The following FOXK2 variants were observed in gnomAD, a reference collection of about 807,000 sequenced individuals.
The protein encoded by FOXK2 is forkhead box protein K2.
Under a neutral mutation model 53.3 loss-of-function variants are expected in FOXK2, and 24 were observed. That is an observed-to-expected ratio of 0.45 (90% CI 0.33 to 0.63). The LOEUF (loss-of-function observed/expected upper bound fraction) is 0.63, where lower values mean the gene tolerates loss of function less well. FOXK2 is among the 30% of genes least tolerant of loss of function. FOXK2 has a pLI of 0.03. For synonymous variants in FOXK2, 505 were observed against 407.1 expected, an observed-to-expected ratio of 1.24 and a Z score of -2.89; for missense variants, 952 against 910.5, an observed-to-expected ratio of 1.05 and a Z score of -0.59.
intron 1 of FOXK2, among the ~76,000 whole-genome samples, chr17:82,547,334 G>T (rs186523550): frequency 6.6e-6 from 1 of 152,146 alleles, no homozygotes; most frequent in Admixed American, 6.5e-5. Context: ...ATTGGAAAAA[G>T]TATTGTCTAC....
chr17:82,546,319 G>C (rs1223932462), intron 1 of FOXK2, among the ~76,000 whole-genome samples: 2 of 151,982 alleles, frequency 1.3e-5, no homozygotes, highest in East Asian at 3.9e-4. Flanking sequence ...ATTTCGCCGT[G>C]TTGGCCAGGC....
chr17:82,593,309 A>AGGCTG (rs2143158821), intron 8 of FOXK2: 1 of 139,704 alleles, frequency 7.2e-6, no homozygotes, highest in Admixed American at 7.3e-5. Flanking sequence ...TACCGGGCAC[A>AGGCTG]GGCTCTTATT....
At chr17:82,523,554 C>T (rs780642396) in intron 1 of FOXK2, among the ~76,000 whole-genome samples, 1 of 151,028 alleles carries the variant, frequency 6.6e-6, no homozygotes, top group African/African-American at 2.4e-5. Context: ...CTCATTGCAA[C>T]CTCCGCTTCC....
At chr17:82,550,961 G>A (rs548787114) in intron 1 of FOXK2, among the ~76,000 whole-genome samples, 87 of 152,328 alleles carry the variant, frequency 5.7e-4, no homozygotes, top group South Asian at 1.2e-3. Context: ...TTGCAAGCCA[G>A]TACTGAGCCG....
At chr17:82,601,233 G>C in intron 8 of FOXK2, 70 bp from the exon 9 acceptor site, 5 of 1,506,550 alleles carry the variant, frequency 3.3e-6, no homozygotes, top group Non-Finnish European at 4.5e-6. Flanking sequence ...GTTCACGTGA[G>C]AGCGTGGGGT....
chr17:82,552,630 C>T (rs2044687687), intron 1 of FOXK2, among the ~76,000 whole-genome samples: 1 of 152,162 alleles, frequency 6.6e-6, no homozygotes, highest in Non-Finnish European at 1.5e-5. Context: ...TTGGATGTTT[C>T]CTCTTGATTA....
intron 5 of FOXK2, 94 bp downstream of exon 5, chr17:82,583,028 A>C (rs1207217516): frequency 8.0e-6 from 7 of 872,616 alleles, no homozygotes; most frequent in African/African-American, 1.7e-5. Flanking sequence ...TGAAGGAACT[A>C]CTAAATGCAT....
intron 1 of FOXK2, among the ~76,000 whole-genome samples, chr17:82,525,895 T>A (rs1190894144): frequency 3.3e-5 from 5 of 151,832 alleles, no homozygotes; most frequent in African/African-American, 7.3e-5. Context: ...TCCCACACTT[T>A]CTTTCTTACG....
chr17:82,551,602 A>C (rs982393907), intron 1 of FOXK2, among the ~76,000 whole-genome samples: 16 of 152,004 alleles, frequency 1.1e-4, no homozygotes, highest in Non-Finnish European at 1.5e-4. Flanking sequence ...ACTCACTTGA[A>C]CTTGAGAGAT....
chr17:82,581,242 C>T (rs976642909), intron 4 of FOXK2, among the ~76,000 whole-genome samples: 3 of 152,204 alleles, frequency 2.0e-5, no homozygotes, highest in African/African-American at 4.8e-5. Flanking sequence ...GACGTTCGTC[C>T]GGCTTTGGCC....
At chr17:82,573,570 A>T (rs1325637505) in intron 4 of FOXK2, among the ~76,000 whole-genome samples, 132 of 80,220 alleles carry the variant, frequency 1.6e-3, no homozygotes, top group Middle Eastern at 6.1e-3. Context: ...TCTCACACAC[A>T]CACACACACA....
chr17:82,595,967 G>A, intron 8 of FOXK2: 1 of 1,210,072 alleles, frequency 8.3e-7, no homozygotes, highest in Non-Finnish European at 1.1e-6. Flanking sequence ...CCTACAGCGT[G>A]GATGCTGTTC....
intron 5 of FOXK2, among the ~76,000 whole-genome samples, 175 bp downstream of exon 5, chr17:82,583,109 G>A (rs2045083940): frequency 6.6e-6 from 1 of 152,212 alleles, no homozygotes; most frequent in South Asian, 2.1e-4. Flanking sequence ...TGGTTCTAGT[G>A]GCTGAAACAT....
intron 7 of FOXK2, among the ~76,000 whole-genome samples, chr17:82,586,640 A>G (rs1311366452): frequency 3.3e-5 from 5 of 151,946 alleles, no homozygotes; most frequent in Admixed American, 6.6e-5. Context: ...AGTGGCTCAC[A>G]CCTGTAATCC....
intron 1 of FOXK2, among the ~76,000 whole-genome samples, chr17:82,528,028 C>T (rs2044435707): frequency 6.6e-6 from 1 of 152,060 alleles, no homozygotes; most frequent in Non-Finnish European, 1.5e-5. Context: ...AAATTCCTGT[C>T]CTCAAGCAGT....
chr17:82,565,626 T>C (rs1313333977), intron 2 of FOXK2, among the ~76,000 whole-genome samples: 1 of 152,150 alleles, frequency 6.6e-6, no homozygotes, highest in African/African-American at 2.4e-5. Flanking sequence ...ACCCATTGGA[T>C]TGGCTGCTAT....
At chr17:82,532,712 G>A (rs1005415558) in intron 1 of FOXK2, among the ~76,000 whole-genome samples, 4 of 151,622 alleles carry the variant, frequency 2.6e-5, no homozygotes, top group African/African-American at 7.3e-5. Flanking sequence ...TCAGCCTCCC[G>A]AGTAGCCACC....
intron 1 of FOXK2, among the ~76,000 whole-genome samples, chr17:82,546,008 T>A (rs1209346410): frequency 6.6e-6 from 1 of 152,178 alleles, no homozygotes; most frequent in Non-Finnish European, 1.5e-5. Context: ...TCTCTCTTTT[T>A]TATTTTAGGT....
chr17:82,553,522 C>A (rs1025661641), intron 1 of FOXK2, among the ~76,000 whole-genome samples: 3 of 152,252 alleles, frequency 2.0e-5, no homozygotes, highest in Admixed American at 6.5e-5. Context: ...ATGGCAGGGG[C>A]TTTTGTTATG....
Sources: allele counts gnomAD v4.1 joint callset (sites outside exome capture counted in the v4.1 genomes callset), GRCh38; gene constraint gnomAD v4.1.1; transcripts MANE v1.5; gene names NCBI Gene and HGNC (gene_info 2026-07-23, HGNC 2026-07-21).